The following RALGAPA1 variants were observed in gnomAD, a reference collection of about 807,000 sequenced individuals.
RALGAPA1 encodes ral GTPase-activating protein subunit alpha-1.
A neutral mutation model predicts 269.6 loss-of-function variants in RALGAPA1; 52 were observed. The observed-to-expected ratio is 0.19, with a 90% confidence interval of 0.15 to 0.24. RALGAPA1 has a LOEUF of 0.24. RALGAPA1 is among the 10% of genes least tolerant of loss of function. The probability of loss-of-function intolerance (pLI) is 1.00; values close to 1 mark genes in which losing one functional copy is unlikely to be tolerated. For synonymous variants in RALGAPA1, 817 were observed against 1,008.3 expected (o/e 0.81, Z 3.60); for missense variants, 1,917 against 3,013.9 (o/e 0.64, Z 8.52).
At chr14:35,646,811 A>G (rs551132208) in intron 31 of RALGAPA1, among the ~76,000 whole-genome samples, 1 of 152,326 alleles carries the variant, frequency 6.6e-6, no homozygotes, top group South Asian at 2.1e-4. Flanking sequence ...AAAACACAAT[A>G]AAGTAGTCAG....
chr14:35,708,798 T>G (rs749393310), intron 16 of RALGAPA1, among the ~76,000 whole-genome samples: 1 of 152,192 alleles, frequency 6.6e-6, no homozygotes, highest in African/African-American at 2.4e-5. Context: ...TGCACTCCCA[T>G]GTTTATTGCC....
intron 22 of RALGAPA1, chr14:35,676,182 G>C (rs1407641183): frequency 1.3e-5 from 2 of 151,654 alleles, no homozygotes; most frequent in African/African-American, 4.8e-5. Context: ...TGATTAAAAA[G>C]CAAGCAACAA....
chr14:35,634,764 A>G lies in RALGAPA1; in HGVS notation c.5812-7T>C, dbSNP rs1323320096. 1.9e-6 allele frequency: 3 copies of G among 1,585,010 alleles called. No homozygotes were observed. The highest frequency in any genetic ancestry group is 2.6e-6 in the Non-Finnish European group (3 of 1,167,916). On this transcript the variant is annotated splice_polypyrimidine_tract_variant and splice_region_variant and intron_variant, in intron 32 of 41. Coordinates refer to ENST00000680220, the MANE Select transcript of RALGAPA1 (RefSeq NM_001346249.2). The stretch of plus-strand genomic sequence containing the variant: ...AAACACACCCATGTAAAACCTGAAA[A>G]TACAGGGGGAAACACCCAGTTTTAC...
intron 3 of RALGAPA1, 60 bp from the exon 4 acceptor site, chr14:35,771,059 C>T: frequency 2.9e-6 from 2 of 699,186 alleles, no homozygotes; most frequent in Non-Finnish European, 4.8e-6. Context: ...GAGTTCACAT[C>T]CTGCAAAATG....
rs143588269 is a variant in RALGAPA1 at position 35,738,958 on chromosome 14, T to C, written c.1450-308A>G. 3.8e-3 allele frequency among the ~76,000 whole-genome samples: 585 copies of C among 152,100 alleles called. 3 individuals carry two copies. Among genetic ancestry groups the C allele is most frequent in the African/African-American group, 0.013 (554 of 41,504 alleles). On this transcript the variant is annotated intron_variant, in intron 11 of 41. Coordinates refer to ENST00000680220, the MANE Select transcript of RALGAPA1 (RefSeq NM_001346249.2). Reference sequence around the variant, plus strand: ...ACCTCCCTTTCATACTCTCACACACTCAAGAATGGGATTATACTACCTATA... The same window carrying C: ...ACCTCCCTTTCATACTCTCACACACCCAAGAATGGGATTATACTACCTATA...
intron 36 of RALGAPA1, among the ~76,000 whole-genome samples, chr14:35,599,035 A>G (rs557401755): frequency 1.3e-5 from 2 of 152,312 alleles, no homozygotes; most frequent in South Asian, 4.1e-4. Context: ...TTATATATAC[A>G]TAACTTATCA....
intron 31 of RALGAPA1, among the ~76,000 whole-genome samples, chr14:35,644,192 T>C (rs1260355756): frequency 6.6e-6 from 1 of 152,098 alleles, no homozygotes; most frequent in Non-Finnish European, 1.5e-5. Context: ...CAATTTTCAA[T>C]AAATAAAAAG....
intron 16 of RALGAPA1, among the ~76,000 whole-genome samples, chr14:35,717,393 G>A (rs991116668): frequency 2.0e-5 from 3 of 151,986 alleles, no homozygotes; most frequent in African/African-American, 4.8e-5. Context: ...CAGGTGATCC[G>A]CCCGCCTCGG....
In RALGAPA1 at chr14:35,756,867, G is replaced by C; in HGVS notation, c.589C>G (p.Gln197Glu). ...IEEITPLVPP[Q>E]SGDKGQEDLT... ...TCTTCTTGCCCTTTATCTCCTGATT[G>C]TGGGGGGACAAGAGGAGTGATTTCT... The change falls in exon 7 of 42, where the codon CAA becomes GAA. Residue 197 changes from glutamine (Q) to glutamate (E), a missense_variant. By Grantham distance (29) the Gln-to-Glu change is conservative (BLOSUM62 2). Transcript: ENST00000680220. 6.2e-7 allele frequency: 1 copy of C among 1,611,472 alleles called. No homozygotes were observed. The highest frequency in any genetic ancestry group is 8.5e-7 in the Non-Finnish European group (1 of 1,178,786).
At chr14:35,794,576 C>T (rs2076422030) in intron 1 of RALGAPA1, among the ~76,000 whole-genome samples, 1 of 152,200 alleles carries the variant, frequency 6.6e-6, no homozygotes, top group South Asian at 2.1e-4. Flanking sequence ...CCTGCCTCAG[C>T]CTCCCGAGTA....
chr14:35,623,201 T>C (rs953063280), intron 35 of RALGAPA1, among the ~76,000 whole-genome samples: 6 of 150,896 alleles, frequency 4.0e-5, no homozygotes, highest in African/African-American at 1.5e-4. Flanking sequence ...AGAAAAAAAT[T>C]GAGAGAAATG....
intron 39 of RALGAPA1, among the ~76,000 whole-genome samples, chr14:35,564,783 G>A (rs1313518006): frequency 2.0e-5 from 3 of 151,928 alleles, no homozygotes; most frequent in African/African-American, 7.2e-5. Context: ...AAAACCTTAG[G>A]ACTATAAATT....
At chr14:35,587,917 T>C (rs140080918) in intron 37 of RALGAPA1, among the ~76,000 whole-genome samples, 2 of 152,320 alleles carry the variant, frequency 1.3e-5, no homozygotes, top group East Asian at 1.9e-4. Context: ...CCTTTTATTT[T>C]ATTTTTTTGA....
Position 35,679,440 on chromosome 14 carries a change from A to G in RALGAPA1, c.4472-1338T>C, listed in dbSNP as rs540655520. Among the ~76,000 whole-genome samples the G allele has an allele frequency of 3.9e-5, 6 of 152,364 alleles. No homozygotes were observed. In the East Asian group the frequency reaches 1.2e-3, roughly 29 times the overall value. On this transcript the variant is annotated intron_variant, in intron 21 of 41. Transcript: ENST00000680220. Reference sequence around the variant, plus strand: ...TAATACACCTAATCAACTGAACATCATAGCTTAGCCTAGCCTACCCTAAAC... The same window carrying G: ...TAATACACCTAATCAACTGAACATCGTAGCTTAGCCTAGCCTACCCTAAAC...
intron 39 of RALGAPA1, among the ~76,000 whole-genome samples, chr14:35,569,154 A>T (rs749910906): frequency 6.6e-6 from 1 of 152,208 alleles, no homozygotes; most frequent in Non-Finnish European, 1.5e-5. Flanking sequence ...AGATAGCTTA[A>T]GTCAATTTTC....
At chr14:35,754,574 G>A (rs1047968165) in intron 7 of RALGAPA1, among the ~76,000 whole-genome samples, 16 of 152,156 alleles carry the variant, frequency 1.1e-4, no homozygotes, top group African/African-American at 3.1e-4. Flanking sequence ...ACCAACTGTT[G>A]GTGAGGATGT....
chr14:35,674,620 G>T lies in RALGAPA1; in HGVS notation c.4714C>A (p.Arg1572=). The change falls in exon 23 of 42, where the codon CGA becomes AGA. Residue 1572 remains arginine, a synonymous_variant. Transcript: ENST00000680220. The part of the protein sequence containing the change: ...WHADVATVMW[R]RMLGILGDVN... Reference sequence around the variant, plus strand: ...TCTCCCAAAATGCCTAGCATTCTTCGCCACATTACAGTAGCAACATCAGCA... The same window carrying T: ...TCTCCCAAAATGCCTAGCATTCTTCTCCACATTACAGTAGCAACATCAGCA... 1 of 1,587,244 alleles carries T rather than the reference G, an allele frequency of 6.3e-7. No homozygotes were observed. The highest frequency in any genetic ancestry group is 8.6e-7 in the Non-Finnish European group (1 of 1,156,598).
Position 35,701,308 on chromosome 14 carries a change from T to G in RALGAPA1, c.2267-1006A>C, listed in dbSNP as rs143554491. ...ATAATATCCAGTGTAATAGTAATGG[T>G]GGCAAAATAAATAGTTTGAATATTA... On this transcript the variant is annotated intron_variant, in intron 16 of 41. Coordinates refer to ENST00000680220, the MANE Select transcript of RALGAPA1 (RefSeq NM_001346249.2). 2.6e-5 allele frequency among the ~76,000 whole-genome samples: 4 copies of G among 152,180 alleles called. No individual in the cohort carries two copies. The East Asian group carries it at 7.7e-4, about 29-fold the overall frequency.
At chr14:35,723,996 G>A (rs2069664973) in intron 14 of RALGAPA1, 2 of 152,038 alleles carry the variant, frequency 1.3e-5, no homozygotes, top group South Asian at 2.1e-4. Context: ...TACCTGAAAT[G>A]TAAAGATGAA....
Sources: gnomAD v4.1 joint callset for allele counts (sites outside exome capture counted in the v4.1 genomes callset) on GRCh38, gnomAD v4.1.1 for gene constraint, MANE v1.5 for transcripts, NCBI Gene and HGNC (gene_info 2026-07-23, HGNC 2026-07-21) for gene names.